Variants in MYOCOS observed in about 807,000 individuals in gnomAD.
The protein encoded by MYOCOS is myocilin opposite strand, also known as myocilin opposite strand protein.
At chr1:171,603,423 A>C (rs1316945647) in intron 1 of MYOCOS, among the ~76,000 whole-genome samples, 3 of 152,256 alleles carry the variant, frequency 2.0e-5, no homozygotes, top group Non-Finnish European at 4.4e-5. Flanking sequence ...GACATCGTAA[A>C]GTGAGAGAAG....
chr1:171,606,100 G>C (rs918972503), intron 1 of MYOCOS, among the ~76,000 whole-genome samples: 1 of 152,120 alleles, frequency 6.6e-6, no homozygotes, highest in South Asian at 2.1e-4. Context: ...GTATTTCCCA[G>C]CACTAAGAGG....
At chr1:171,616,754 A>G (rs1213476105) in intron 2 of MYOCOS, among the ~76,000 whole-genome samples, 2 of 152,200 alleles carry the variant, frequency 1.3e-5, no homozygotes, top group Non-Finnish European at 2.9e-5. Context: ...GTCATATCCT[A>G]TAGATGGCAT....
upstream of MYOCOS, among the ~76,000 whole-genome samples, chr1:171,620,134 T>C (rs115953490): frequency 0.041 from 6,116 of 149,962 alleles, 393 homozygotes; most frequent in African/African-American, 0.14. Flanking sequence ...TAGTTCTGTC[T>C]CTCTAGAGAA....
upstream of MYOCOS, among the ~76,000 whole-genome samples, chr1:171,620,755 ATTTC>A (rs1477327676): frequency 2.8e-5 from 4 of 144,990 alleles, no homozygotes; most frequent in East Asian, 6.1e-4. Flanking sequence ...AAACCAATGT[ATTTC>A]TTTCTTTTTC....
chr1:171,613,266 G>T (rs1558080260), intron 1 of MYOCOS, among the ~76,000 whole-genome samples: 1 of 152,082 alleles, frequency 6.6e-6, no homozygotes, highest in Admixed American at 6.5e-5. Flanking sequence ...ACTGAACAAG[G>T]GATGGTGACC....
chr1:171,604,346 G>A (rs1652203510), intron 1 of MYOCOS: 1 of 152,170 alleles, frequency 6.6e-6, no homozygotes. Flanking sequence ...CAGACTGAGG[G>A]CTGTTCCCAG....
chr1:171,611,033 C>T (rs1010018109), intron 1 of MYOCOS, among the ~76,000 whole-genome samples: 1 of 152,208 alleles, frequency 6.6e-6, no homozygotes, highest in Non-Finnish European at 1.5e-5. Flanking sequence ...TCTTGGGCCA[C>T]TTCTCTTTCC....
chr1:171,620,917 G>C (rs539487103), upstream of MYOCOS, among the ~76,000 whole-genome samples: 5 of 151,510 alleles, frequency 3.3e-5, no homozygotes, highest in Admixed American at 6.6e-5. Flanking sequence ...TTACAGGCGA[G>C]TGCCACCACG....
At chr1:171,613,858 A>G (rs970957257) in intron 1 of MYOCOS, among the ~76,000 whole-genome samples, 1 of 149,856 alleles carries the variant, frequency 6.7e-6, no homozygotes, top group Non-Finnish European at 1.5e-5. Flanking sequence ...CTCAGCTTTT[A>G]CTGCCCTTTG....
At chr1:171,621,566 G>A (rs571841349), upstream of MYOCOS, among the ~76,000 whole-genome samples, 2 of 151,996 alleles carry the variant, frequency 1.3e-5, no homozygotes, top group Admixed American at 6.5e-5. Context: ...TAGTAGAGAC[G>A]GGGTTTCGCC....
At chr1:171,620,790 T>TTTTAG (rs1652549747), upstream of MYOCOS, among the ~76,000 whole-genome samples, 1 of 150,230 alleles carries the variant, frequency 6.7e-6, no homozygotes, top group East Asian at 1.9e-4. Context: ...TTTTTTTTTT[T>TTTTAG]GAGACGGAGT....
At chr1:171,601,483 C>CA (rs111306486) in intron 1 of MYOCOS, among the ~76,000 whole-genome samples, 1,340 of 131,114 alleles carry the variant, frequency 0.01, 7 homozygotes, top group African/African-American at 0.019. Context: ...TATTTTGTCT[C>CA]AAAAAAAAAA....
intron 2 of MYOCOS, among the ~76,000 whole-genome samples, chr1:171,616,893 G>T (rs1270642822): frequency 1.3e-5 from 2 of 152,156 alleles, no homozygotes; most frequent in African/African-American, 2.4e-5. Flanking sequence ...ACATGGGAAG[G>T]TTCATCATTT....
At chr1:171,619,946 C>T (rs562365145), upstream of MYOCOS, among the ~76,000 whole-genome samples, 59 of 151,162 alleles carry the variant, frequency 3.9e-4, no homozygotes, top group African/African-American at 1.4e-3. Flanking sequence ...GAAGCCCCTC[C>T]AACATCAGAC....
chr1:171,605,882 G>A (rs556385271), intron 1 of MYOCOS, among the ~76,000 whole-genome samples: 10 of 152,164 alleles, frequency 6.6e-5, no homozygotes, highest in Admixed American at 3.3e-4. Context: ...GTTCTTGCCC[G>A]GCAAGAGACT....
chr1:171,619,150 T>C (rs1021241503), upstream of MYOCOS, among the ~76,000 whole-genome samples: 2 of 152,238 alleles, frequency 1.3e-5, no homozygotes, highest in African/African-American at 4.8e-5. Context: ...TTGTTAAATG[T>C]ATGGACTTTG....
chr1:171,609,643 C>T (rs1332644248), intron 1 of MYOCOS, among the ~76,000 whole-genome samples: 2 of 152,164 alleles, frequency 1.3e-5, no homozygotes, highest in Non-Finnish European at 2.9e-5. Flanking sequence ...TAGCTTAAGA[C>T]AGCATGTATT....
chr1:171,626,845 T>G lies in MYOCOS; in HGVS notation c.*244T>G. 3.0e-6 allele frequency: 1 copy of G among 333,628 alleles called. No individual in the cohort carries two copies. Among genetic ancestry groups the G allele is most frequent in the Non-Finnish European group, 5.4e-6 (1 of 186,298 alleles). 20.7% of individuals were successfully genotyped at this position (333,628 alleles called of 1,614,324 possible). A position where few individuals can be genotyped will look rare whatever the true frequency, so the allele number is the denominator to read the frequency against. On this transcript the variant is annotated 3_prime_UTR_variant, in exon 3 of 3. Coordinates refer to ENST00000637642, the MANE Select transcript of MYOCOS (RefSeq NM_001391940.1). ...ATCTTTATGTTATGCTATAGAACTGTTGCTGTAGTCAGTTGTATTTAAATT... is the reference window on the plus strand; with the variant it reads ...ATCTTTATGTTATGCTATAGAACTGGTGCTGTAGTCAGTTGTATTTAAATT...
intron 1 of MYOCOS, among the ~76,000 whole-genome samples, chr1:171,612,790 A>G (rs928259689): frequency 1.3e-5 from 2 of 152,224 alleles, no homozygotes; most frequent in Non-Finnish European, 1.5e-5. Flanking sequence ...ATATCGTGCC[A>G]TTGCACTCCA....
Sources: gnomAD v4.1 joint callset for allele counts (sites outside exome capture counted in the v4.1 genomes callset) on GRCh38, gnomAD v4.1.1 for gene constraint, MANE v1.5 for transcripts, NCBI Gene and HGNC (gene_info 2026-07-23, HGNC 2026-07-21) for gene names.